The following RGS5 variants were observed in gnomAD, a reference collection of about 807,000 sequenced individuals.
RGS5 encodes regulator of G-protein signalling 5.
In RGS5, 20 loss-of-function variants were observed where a neutral mutation model predicts 18.9. The ratio of observed to expected loss-of-function variants is 1.06; its 90% confidence interval spans 0.74 to 1.54. RGS5 has a LOEUF of 1.54. Ranked by LOEUF, RGS5 falls within the 40% of genes most tolerant of loss-of-function variation. The pLI, the probability that RGS5 is intolerant of heterozygous loss-of-function variation, is 0.00. For synonymous variants in RGS5, 57 were observed against 76.2 expected (o/e 0.75, Z 1.31); for missense variants, 201 against 211.8 (o/e 0.95, Z 0.32).
chr1:163,168,307 G>A lies in RGS5; in HGVS notation c.106C>T (p.Leu36Phe). ...GGCTTCTCATTGTACGGAATGACAA[G>A]GTCACCAACTGAGTCTGGCTTCTGG... ...LLQKPDSVGD[L>F]VIPYNEKPEK... Residue 36 changes from leucine (L) to phenylalanine (F), a missense_variant, in exon 2 of 5, where the codon CTT becomes TTT. Coordinates refer to ENST00000313961, the MANE Select transcript of RGS5 (RefSeq NM_003617.4). The A allele has an allele frequency of 6.2e-7, 1 of 1,613,882 alleles. No homozygotes were observed. Among genetic ancestry groups the A allele is most frequent in the Non-Finnish European group, 8.5e-7 (1 of 1,179,844 alleles).
At chr1:163,159,954 G>C (rs1279684948) in intron 3 of RGS5, among the ~76,000 whole-genome samples, 1 of 152,116 alleles carries the variant, frequency 6.6e-6, no homozygotes. Context: ...CCTCTGAGAA[G>C]TAGAAAATAT....
At chr1:163,284,055 A>C (rs942357932) in intron 2 of RGS5, among the ~76,000 whole-genome samples, 1 of 152,226 alleles carries the variant, frequency 6.6e-6, no homozygotes, top group South Asian at 2.1e-4. Flanking sequence ...TTATGTAGCA[A>C]TAAAAAATTA....
chr1:163,239,487 T>TA (rs35982197), intron 2 of RGS5, among the ~76,000 whole-genome samples: 86 of 133,260 alleles, frequency 6.5e-4, no homozygotes, highest in Middle Eastern at 3.9e-3. Flanking sequence ...ATCCGTCTCT[T>TA]AAAAAAAAAA....
chr1:163,316,306 T>C (rs1167981175), intron 1 of RGS5, among the ~76,000 whole-genome samples: 1 of 152,224 alleles, frequency 6.6e-6, no homozygotes, highest in East Asian at 1.9e-4. Context: ...CAATGACACT[T>C]GTTTGCTTTT....
Position 163,144,422 on chromosome 1 carries a change from G to A in RGS5, c.*2920C>T, listed in dbSNP as rs1443465364. The A allele has an allele frequency of 6.6e-6, 1 of 152,088 alleles. No homozygotes were observed. Among genetic ancestry groups the A allele is most frequent in the African/African-American group, 2.4e-5 (1 of 41,394 alleles). 9.4% of individuals were successfully genotyped at this position (152,088 alleles called of 1,614,324 possible). On this transcript the variant is annotated 3_prime_UTR_variant, in exon 5 of 5. Transcript: ENST00000313961. Reference sequence around the variant, plus strand: ...CCAGGCAGAAAAACTGAAGTTACAGGCAACTACCTGGGCTAATCTTAGGTT... The same window carrying A: ...CCAGGCAGAAAAACTGAAGTTACAGACAACTACCTGGGCTAATCTTAGGTT...
intron 3 of RGS5, among the ~76,000 whole-genome samples, chr1:163,158,138 G>A (rs1040952711): frequency 6.6e-6 from 1 of 152,158 alleles, no homozygotes; most frequent in Non-Finnish European, 1.5e-5. Context: ...TGTCAGTTTG[G>A]CTTACAGTTA....
chr1:163,277,372 C>CA (rs1557928504), intron 2 of RGS5, among the ~76,000 whole-genome samples: 1 of 152,206 alleles, frequency 6.6e-6, no homozygotes, highest in Non-Finnish European at 1.5e-5. Flanking sequence ...GGCTGTGTCA[C>CA]AAGTGCATCC....
At chr1:163,321,712 C>G (rs183041866) in exon 1 of RGS5, 1 of 152,318 alleles carries the variant, frequency 6.6e-6, no homozygotes, top group African/African-American at 2.4e-5. Context: ...ACGCTCTAAA[C>G]GCTGGCGGAA....
At chr1:163,253,554 C>T (rs576375411) in intron 2 of RGS5, among the ~76,000 whole-genome samples, 78 of 151,868 alleles carry the variant, frequency 5.1e-4, no homozygotes, top group Non-Finnish European at 9.6e-4. Flanking sequence ...TGGCAATCCA[C>T]CCACCTCGGC....
At chr1:163,303,679 C>T (rs951494083) in intron 2 of RGS5, among the ~76,000 whole-genome samples, 4 of 152,180 alleles carry the variant, frequency 2.6e-5, no homozygotes, top group African/African-American at 9.7e-5. Flanking sequence ...CCCAAACCCC[C>T]AGCTGCAGAC....
intron 1 of RGS5, among the ~76,000 whole-genome samples, chr1:163,309,810 A>G (rs1306916974): frequency 6.6e-6 from 1 of 152,230 alleles, no homozygotes; most frequent in African/African-American, 2.4e-5. Context: ...CATATCTATA[A>G]GAGGAATCAC....
chr1:163,249,884 T>C (rs2101697388), intron 2 of RGS5, among the ~76,000 whole-genome samples: 1 of 152,318 alleles, frequency 6.6e-6, no homozygotes, highest in African/African-American at 2.4e-5. Context: ...ATAGATGAGT[T>C]CACATCATAA....
At chr1:163,307,573 G>T (rs903041232) in intron 1 of RGS5, among the ~76,000 whole-genome samples, 4 of 151,840 alleles carry the variant, frequency 2.6e-5, no homozygotes, top group Non-Finnish European at 5.9e-5. Flanking sequence ...GGAAAGTACT[G>T]TACTTCTGCA....
At chr1:163,282,412 CA>C (rs1435385597) in intron 2 of RGS5, among the ~76,000 whole-genome samples, 1 of 151,964 alleles carries the variant, frequency 6.6e-6, no homozygotes, top group East Asian at 1.9e-4. Flanking sequence ...TAACTATCAT[CA>C]AAAAACAAAA....
intron 4 of RGS5, 136 bp downstream of exon 4, chr1:163,152,414 T>C (rs1657408522): frequency 1.2e-6 from 1 of 842,656 alleles, no homozygotes; most frequent in Admixed American, 2.4e-5. Flanking sequence ...TTGTACTCAA[T>C]AGGTGCTTAA....
At chr1:163,170,586 G>A (rs1432774504) in intron 1 of RGS5, among the ~76,000 whole-genome samples, 1 of 152,168 alleles carries the variant, frequency 6.6e-6, no homozygotes, top group East Asian at 1.9e-4. Flanking sequence ...AAAATGTAAG[G>A]AAACCTGTGG....
chr1:163,149,881 A>G (rs1297029176), intron 4 of RGS5, among the ~76,000 whole-genome samples: 1 of 152,192 alleles, frequency 6.6e-6, no homozygotes, highest in African/African-American at 2.4e-5. Context: ...TAAGTAATAA[A>G]AGCTATGACT....
chr1:163,285,538 A>G (rs567954458), intron 2 of RGS5, among the ~76,000 whole-genome samples: 10 of 150,234 alleles, frequency 6.7e-5, no homozygotes, highest in African/African-American at 2.2e-4. Flanking sequence ...GTCTCAAAAC[A>G]AAAACAAAAA....
In RGS5 at chr1:163,149,165, T is replaced by C. The variant is rs75298515; in HGVS notation, c.385-1662A>G. ...CTGTTGGAAGATCAGATTGTCAGAA[T>C]TGGGATCAGCGTCAGAGTTGATGAA... On this transcript the variant is annotated intron_variant, in intron 4 of 4. Transcript: ENST00000313961. Among the ~76,000 whole-genome samples, 59 of 152,318 alleles carry C rather than the reference T, an allele frequency of 3.9e-4. 1 individual carries two copies. The East Asian group carries it at 8.7e-3, about 22-fold the overall frequency.
Sources: allele counts gnomAD v4.1 joint callset (sites outside exome capture counted in the v4.1 genomes callset), GRCh38; gene constraint gnomAD v4.1.1; transcripts MANE v1.5; gene names NCBI Gene and HGNC (gene_info 2026-07-23, HGNC 2026-07-21).